HDAC9: variants seen among roughly 807,000 people sequenced by gnomAD.
HDAC9 encodes the protein histone deacetylase 9.
A neutral mutation model predicts 139.4 loss-of-function variants in HDAC9; 41 were observed. The ratio of observed to expected loss-of-function variants is 0.29; its 90% confidence interval spans 0.23 to 0.38. The LOEUF (loss-of-function observed/expected upper bound fraction) is 0.38, where lower values mean the gene tolerates loss of function less well. HDAC9 is among the 10% of genes least tolerant of loss of function. The pLI, the probability that HDAC9 is intolerant of heterozygous loss-of-function variation, is 1.00. For missense variants in HDAC9, 1,147 were observed against 1,297.0 expected, an observed-to-expected ratio of 0.88 and a Z score of 1.78; for synonymous variants, 517 against 476.2, an observed-to-expected ratio of 1.09 and a Z score of -1.12.
chr7:18,756,485 T>C (rs1246399572), intron 14 of HDAC9, among the ~76,000 whole-genome samples: 1 of 152,218 alleles, frequency 6.6e-6, no homozygotes. Flanking sequence ...CTTATTCAGG[T>C]TTCCTGTTTG....
At chr7:18,685,771 A>G (rs1370329223) in intron 12 of HDAC9, among the ~76,000 whole-genome samples, 1 of 151,990 alleles carries the variant, frequency 6.6e-6, no homozygotes, top group African/African-American at 2.4e-5. Flanking sequence ...GATATTCCTC[A>G]GGAATGAAAA....
At position 18,901,457 on chromosome 7, in the gene HDAC9, G is replaced by A. The variant is rs182119306; in HGVS notation, c.2803+26861G>A. ...TATTTCAACTGCATCAATTGAACAC[G>A]TAATATAGTGGAGACTTTACAACTG... is the stretch of plus-strand genomic sequence containing the variant. On this transcript the variant is annotated intron_variant, in intron 22 of 25. Transcript: ENST00000686413. 7.9e-5 allele frequency among the ~76,000 whole-genome samples: 12 copies of A among 152,068 alleles called. No homozygotes were observed. In the East Asian group the frequency reaches 1.2e-3, roughly 15 times the overall value.
chr7:18,753,913 A>G (rs1243415009), intron 14 of HDAC9, among the ~76,000 whole-genome samples: 1 of 152,086 alleles, frequency 6.6e-6, no homozygotes, highest in African/African-American at 2.4e-5. Flanking sequence ...GTTCTTTTGG[A>G]ACATAACACT....
intron 1 of HDAC9, among the ~76,000 whole-genome samples, chr7:18,441,396 T>A (rs1249609288): frequency 6.6e-6 from 1 of 152,218 alleles, no homozygotes; most frequent in Non-Finnish European, 1.5e-5. Flanking sequence ...AGCACTTGCA[T>A]GACAATGAAA....
intron 1 of HDAC9, among the ~76,000 whole-genome samples, chr7:18,338,580 A>G (rs920653998): frequency 1.3e-5 from 2 of 151,762 alleles, no homozygotes; most frequent in African/African-American, 2.4e-5. Context: ...TATTTATTCT[A>G]TTAATATGGC....
At chr7:18,861,157 G>A (rs926164123) in intron 21 of HDAC9, among the ~76,000 whole-genome samples, 1 of 152,000 alleles carries the variant, frequency 6.6e-6, no homozygotes, top group African/African-American at 2.4e-5. Flanking sequence ...TAAAATTCAC[G>A]GTATTTCTAT....
At chr7:18,527,539 CTT>C (rs1382762367) in intron 2 of HDAC9, among the ~76,000 whole-genome samples, 3 of 152,042 alleles carry the variant, frequency 2.0e-5, no homozygotes, top group Non-Finnish European at 2.9e-5. Context: ...AAAAATCCCT[CTT>C]TTGGTTTTAT....
chr7:18,817,222 A>T (rs763648489), intron 17 of HDAC9, among the ~76,000 whole-genome samples: 6 of 151,956 alleles, frequency 3.9e-5, no homozygotes, highest in Admixed American at 6.6e-5. Context: ...TTTTTAGTAG[A>T]GACGGGTTTC....
intron 24 of HDAC9, among the ~76,000 whole-genome samples, chr7:18,967,876 C>G (rs1783980041): frequency 1.3e-5 from 2 of 152,044 alleles, no homozygotes; most frequent in South Asian, 4.1e-4. Context: ...AAAAAAGAAA[C>G]TTCAGGCCGG....
intron 1 of HDAC9, among the ~76,000 whole-genome samples, chr7:18,370,722 G>A (rs892075544): frequency 1.3e-5 from 2 of 152,066 alleles, no homozygotes; most frequent in African/African-American, 4.8e-5. Flanking sequence ...TTGCATAAGG[G>A]TTCTATTTGG....
intron 24 of HDAC9, among the ~76,000 whole-genome samples, chr7:18,960,753 G>T (rs1427002193): frequency 6.6e-6 from 1 of 152,022 alleles, no homozygotes; most frequent in Non-Finnish European, 1.5e-5. Flanking sequence ...TCTTTTATCT[G>T]AAATACCATC....
intron 2 of HDAC9, among the ~76,000 whole-genome samples, chr7:18,259,224 C>G (rs1053760959): frequency 1.3e-5 from 2 of 152,126 alleles, no homozygotes; most frequent in Non-Finnish European, 2.9e-5. Context: ...CTGCCTTGGC[C>G]TCCCAAAGTG....
chr7:18,140,852 A>G (rs1463523479), intron 1 of HDAC9, among the ~76,000 whole-genome samples: 1 of 151,806 alleles, frequency 6.6e-6, no homozygotes, highest in Non-Finnish European at 1.5e-5. Context: ...AATTTCTTTG[A>G]CACAGCATTT....
At chr7:18,765,759 TG>T (rs1241947975) in intron 15 of HDAC9, among the ~76,000 whole-genome samples, 1 of 152,196 alleles carries the variant, frequency 6.6e-6, no homozygotes, top group Non-Finnish European at 1.5e-5. Flanking sequence ...GTTATATTTT[TG>T]TTAGGAACAA....
intron 6 of HDAC9, among the ~76,000 whole-genome samples, chr7:18,605,931 C>T (rs370410800): frequency 6.6e-6 from 1 of 152,118 alleles, no homozygotes; most frequent in African/African-American, 2.4e-5. Context: ...CTGCCCACCT[C>T]GGCCTCCGAA....
chr7:18,157,845 G>GAGAGAGAGAGAGAGAC (rs1787331610), intron 1 of HDAC9, among the ~76,000 whole-genome samples: 6 of 145,960 alleles, frequency 4.1e-5, no homozygotes, highest in African/African-American at 1.3e-4. Context: ...GAGAGAGAGA[G>GAGAGAGAGAGAGAGAC]AGAGAGACTG....
chr7:18,374,166 G>A (rs1784802324), intron 1 of HDAC9, among the ~76,000 whole-genome samples: 1 of 148,044 alleles, frequency 6.8e-6, no homozygotes, highest in East Asian at 2.0e-4. Flanking sequence ...GATATATGTA[G>A]TACATGCATA....
At chr7:18,967,504 C>CA (rs1419685794) in intron 24 of HDAC9, among the ~76,000 whole-genome samples, 2 of 138,856 alleles carry the variant, frequency 1.4e-5, no homozygotes, top group East Asian at 2.3e-4. Flanking sequence ...TTGCCCCCCC[C>CA]CCAAAAAAAA....
chr7:18,964,108 T>C lies in HDAC9; in HGVS notation c.3022+9878T>C, dbSNP rs138180017. ...GTCTTCAAGAGATTGTCATGATGTA[T>C]AGCAGTTTGACCTCTTAGAAACTTA... On this transcript the variant is annotated intron_variant, in intron 24 of 25. Coordinates refer to ENST00000686413, the MANE Select transcript of HDAC9 (RefSeq NM_178425.4). Among the ~76,000 whole-genome samples the C allele has an allele frequency of 5.3e-5, 8 of 152,304 alleles. No individual in the cohort carries two copies. In the East Asian group the frequency reaches 1.2e-3, roughly 22 times the overall value.
Sources: gnomAD v4.1 joint callset for allele counts (sites outside exome capture counted in the v4.1 genomes callset) on GRCh38, gnomAD v4.1.1 for gene constraint, MANE v1.5 for transcripts, NCBI Gene and HGNC (gene_info 2026-07-23, HGNC 2026-07-21) for gene names.